Variants in NKAIN2 observed in about 807,000 individuals in gnomAD.
NKAIN2 encodes sodium/potassium transporting ATPase interacting 2.
In NKAIN2, 14 loss-of-function variants were observed where a neutral mutation model predicts 32.6. The observed-to-expected ratio is 0.43, with a 90% confidence interval of 0.28 to 0.67. The LOEUF is 0.67. NKAIN2 is among the 30% of genes least tolerant of loss of function. The pLI is 0.17. For missense variants in NKAIN2, 198 were observed against 258.3 expected, an observed-to-expected ratio of 0.77 and a Z score of 1.60; for synonymous variants, 80 against 87.2, an observed-to-expected ratio of 0.92 and a Z score of 0.46.
intron 3 of NKAIN2, among the ~76,000 whole-genome samples, chr6:124,425,042 T>C (rs1160031408): frequency 6.6e-6 from 1 of 152,036 alleles, no homozygotes; most frequent in Non-Finnish European, 1.5e-5. Context: ...CAGAAATAAA[T>C]CTATACATAT....
At chr6:124,222,860 C>G (rs1020335870) in intron 1 of NKAIN2, among the ~76,000 whole-genome samples, 7 of 152,088 alleles carry the variant, frequency 4.6e-5, no homozygotes, top group African/African-American at 1.4e-4. Flanking sequence ...AAGACAAGGA[C>G]AAGAACACTT....
intron 4 of NKAIN2, among the ~76,000 whole-genome samples, chr6:124,680,624 C>A (rs983219616): frequency 6.6e-6 from 1 of 151,874 alleles, no homozygotes; most frequent in African/African-American, 2.4e-5. Context: ...TTTATTGATT[C>A]AAATACTGTA....
intron 2 of NKAIN2, among the ~76,000 whole-genome samples, chr6:124,335,511 A>C (rs1797827532): frequency 6.6e-6 from 1 of 152,162 alleles, no homozygotes; most frequent in Non-Finnish European, 1.5e-5. Flanking sequence ...GGGGGATAGG[A>C]CAGCTGAAAT....
At chr6:124,085,630 A>G (rs973476463) in intron 1 of NKAIN2, among the ~76,000 whole-genome samples, 3 of 151,896 alleles carry the variant, frequency 2.0e-5, no homozygotes, top group Admixed American at 6.6e-5. Context: ...AATGCAATAA[A>G]TATTTGTTCA....
chr6:124,360,400 A>G (rs971798982), intron 3 of NKAIN2, among the ~76,000 whole-genome samples: 46 of 152,250 alleles, frequency 3.0e-4, no homozygotes, highest in Non-Finnish European at 3.4e-4. Flanking sequence ...ATAGTAATCA[A>G]CCAACTCACA....
At chr6:124,098,068 GA>G (rs1472184768) in intron 1 of NKAIN2, among the ~76,000 whole-genome samples, 1 of 152,136 alleles carries the variant, frequency 6.6e-6, no homozygotes, top group African/African-American at 2.4e-5. Context: ...GGAGATTCTG[GA>G]GCCTGTTAGG....
chr6:123,997,054 A>G (rs1179455945), intron 1 of NKAIN2, among the ~76,000 whole-genome samples: 2 of 152,224 alleles, frequency 1.3e-5, no homozygotes, highest in African/African-American at 2.4e-5. Flanking sequence ...TAATTGAGCT[A>G]TGTATATCTT....
intron 5 of NKAIN2, among the ~76,000 whole-genome samples, chr6:124,801,522 G>A (rs1401385031): frequency 6.6e-6 from 1 of 152,180 alleles, no homozygotes; most frequent in East Asian, 1.9e-4. Context: ...TCACTTCACT[G>A]TGATACCTGA....
intron 3 of NKAIN2, among the ~76,000 whole-genome samples, chr6:124,414,059 A>G (rs1237462807): frequency 1.3e-5 from 2 of 151,846 alleles, no homozygotes; most frequent in African/African-American, 4.8e-5. Context: ...TTAGAACCTC[A>G]GTACAATGCT....
At chr6:124,526,737 G>C (rs996332402) in intron 3 of NKAIN2, among the ~76,000 whole-genome samples, 1 of 152,116 alleles carries the variant, frequency 6.6e-6, no homozygotes, top group Admixed American at 6.5e-5. Flanking sequence ...TCTTGTAAAA[G>C]GCATAGTCCC....
At chr6:124,649,320 T>C (rs1394545741) in intron 3 of NKAIN2, among the ~76,000 whole-genome samples, 2 of 152,122 alleles carry the variant, frequency 1.3e-5, no homozygotes, top group Non-Finnish European at 2.9e-5. Context: ...CAAGAAAGGA[T>C]AATAATGGTA....
intron 4 of NKAIN2, among the ~76,000 whole-genome samples, chr6:124,685,445 C>T (rs1375943454): frequency 6.6e-6 from 1 of 152,138 alleles, no homozygotes; most frequent in Non-Finnish European, 1.5e-5. Context: ...AATGATATTA[C>T]ATATGAGATT....
chr6:124,557,272 A>C (rs890498623), intron 3 of NKAIN2, among the ~76,000 whole-genome samples: 1 of 152,208 alleles, frequency 6.6e-6, no homozygotes, highest in African/African-American at 2.4e-5. Flanking sequence ...TGAAAATATA[A>C]TGTTAACATT....
intron 1 of NKAIN2, among the ~76,000 whole-genome samples, chr6:123,959,920 C>CAT (rs947743370): frequency 6.0e-5 from 8 of 134,172 alleles, no homozygotes; most frequent in Admixed American, 1.5e-4. Context: ...ATATGTCTTC[C>CAT]ATATATGTGT....
chr6:124,567,395 A>G (rs949512524), intron 3 of NKAIN2, among the ~76,000 whole-genome samples: 8 of 152,100 alleles, frequency 5.3e-5, no homozygotes, highest in Non-Finnish European at 7.4e-5. Context: ...AACGATTTCC[A>G]TTTTTAACCT....
chr6:123,975,109 C>T (rs1778499262), intron 1 of NKAIN2, among the ~76,000 whole-genome samples: 1 of 152,072 alleles, frequency 6.6e-6, no homozygotes, highest in Non-Finnish European at 1.5e-5. Context: ...GCCAACAACC[C>T]ATTTTATGTA....
chr6:123,843,575 T>G (rs771054604), intron 1 of NKAIN2, among the ~76,000 whole-genome samples: 1 of 152,102 alleles, frequency 6.6e-6, no homozygotes, highest in Non-Finnish European at 1.5e-5. Flanking sequence ...ATGCATATTT[T>G]TATTTAGGGC....
chr6:124,198,994 G>A lies in NKAIN2; in HGVS notation c.55-84011G>A, dbSNP rs146106958. Among the ~76,000 whole-genome samples the A allele has an allele frequency of 1.3e-4, 20 of 152,160 alleles. No homozygotes were observed. In the East Asian group the frequency reaches 1.5e-3, roughly 12 times the overall value. ...TGGGGGTGGAAATCCTCTTCTTTAC[G>A]TTATTTTATAATCTGCTTTTTGAAC... On this transcript the variant is annotated intron_variant, in intron 1 of 6. Coordinates refer to ENST00000368417, the MANE Select transcript of NKAIN2 (RefSeq NM_001040214.3).
intron 1 of NKAIN2, among the ~76,000 whole-genome samples, chr6:124,106,650 C>A (rs1785134483): frequency 6.6e-6 from 1 of 152,156 alleles, no homozygotes; most frequent in South Asian, 2.1e-4. Flanking sequence ...AGGGATTTAT[C>A]TGGTGATGTG....
Sources: allele counts gnomAD v4.1 joint callset (sites outside exome capture counted in the v4.1 genomes callset), GRCh38; gene constraint gnomAD v4.1.1; transcripts MANE v1.5; gene names NCBI Gene and HGNC (gene_info 2026-07-23, HGNC 2026-07-21).